The following PPP1R16B variants were observed in gnomAD, a reference collection of about 807,000 sequenced individuals.
PPP1R16B encodes protein phosphatase 1 regulatory inhibitor subunit 16B.
Under a neutral mutation model 61.7 loss-of-function variants are expected in PPP1R16B, and 14 were observed. The observed-to-expected ratio is 0.23, with a 90% CI of 0.15 to 0.35. The LOEUF (loss-of-function observed/expected upper bound fraction) is 0.35, where lower values mean the gene tolerates loss of function less well. PPP1R16B is among the 10% of genes least tolerant of loss of function. PPP1R16B has a pLI of 1.00. For missense variants in PPP1R16B, 547 were observed against 752.5 expected, an observed-to-expected ratio of 0.73 and a Z score of 3.19; for synonymous variants, 266 against 305.3, an observed-to-expected ratio of 0.87 and a Z score of 1.34.
intron 6 of PPP1R16B, among the ~76,000 whole-genome samples, chr20:38,904,835 C>T (rs1394521909): frequency 2.6e-5 from 4 of 152,158 alleles, no homozygotes; most frequent in East Asian, 3.9e-4. Context: ...TTCTGCTAGC[C>T]GCCTTGGACT....
intron 7 of PPP1R16B, among the ~76,000 whole-genome samples, chr20:38,906,487 G>T (rs1035206640): frequency 1.3e-5 from 2 of 151,880 alleles, no homozygotes; most frequent in African/African-American, 4.8e-5. Flanking sequence ...TAGAGACAGG[G>T]TTTCACCATG....
intron 2 of PPP1R16B, among the ~76,000 whole-genome samples, chr20:38,881,974 T>G (rs1429790721): frequency 4.6e-5 from 7 of 152,208 alleles, no homozygotes; most frequent in African/African-American, 1.7e-4. Context: ...CAGGTGTCTT[T>G]GGGCAAATCA....
At chr20:38,870,246 A>C (rs2085120006) in intron 2 of PPP1R16B, among the ~76,000 whole-genome samples, 1 of 152,190 alleles carries the variant, frequency 6.6e-6, no homozygotes, top group Non-Finnish European at 1.5e-5. Context: ...CCTGCAGAGC[A>C]AAAATTTATT....
Position 38,837,684 on chromosome 20 carries a change from T to G in PPP1R16B, c.250+1509T>G, listed in dbSNP as rs139011331. Among the ~76,000 whole-genome samples the G allele has an allele frequency of 2.8e-3, 432 of 152,180 alleles. 2 individuals are homozygous for G. The highest frequency in any genetic ancestry group is 9.8e-3 in the African/African-American group (407 of 41,522). ...CCTTAGCCTCCCGAGTAGCTGGGAT[T>G]ACAGGCGTTCACCTCCATGCCCTGG... On this transcript the variant is annotated intron_variant, in intron 2 of 10. Coordinates refer to ENST00000299824, the MANE Select transcript of PPP1R16B (RefSeq NM_015568.4).
intron 2 of PPP1R16B, among the ~76,000 whole-genome samples, chr20:38,863,495 A>G (rs999024938): frequency 6.6e-6 from 1 of 152,206 alleles, no homozygotes; most frequent in Non-Finnish European, 1.5e-5. Context: ...AGCCCACACC[A>G]TCTGCCTCCT....
chr20:38,896,104 TCCCC>T (rs2085343480), intron 4 of PPP1R16B, among the ~76,000 whole-genome samples: 5 of 93,506 alleles, frequency 5.3e-5, no homozygotes, highest in Non-Finnish European at 8.3e-5. Flanking sequence ...TTCTTCTGTC[TCCCC>T]TCCCTTCCTT....
At chr20:38,833,774 C>G (rs141034137) in intron 1 of PPP1R16B, among the ~76,000 whole-genome samples, 62 of 152,356 alleles carry the variant, frequency 4.1e-4, no homozygotes, top group African/African-American at 1.2e-3. Context: ...CAAGCCAACC[C>G]CTTCCCCATT....
At chr20:38,823,949 A>G (rs922619605) in intron 1 of PPP1R16B, among the ~76,000 whole-genome samples, 3 of 150,994 alleles carry the variant, frequency 2.0e-5, no homozygotes, top group Non-Finnish European at 4.4e-5. Flanking sequence ...AGGAGAGGGG[A>G]TATTAAAAAT....
chr20:38,854,615 A>G (rs1321455948), intron 2 of PPP1R16B, among the ~76,000 whole-genome samples: 1 of 152,264 alleles, frequency 6.6e-6, no homozygotes, highest in Non-Finnish European at 1.5e-5. Context: ...ATATGGAGTC[A>G]GACAAAACTA....
chr20:38,880,519 A>T (rs1002636833), intron 2 of PPP1R16B, among the ~76,000 whole-genome samples: 4 of 152,134 alleles, frequency 2.6e-5, no homozygotes, highest in African/African-American at 9.7e-5. Flanking sequence ...TACAAAAAAA[A>T]TTAGCTGGGC....
intron 2 of PPP1R16B, among the ~76,000 whole-genome samples, chr20:38,870,887 C>T (rs113795429): frequency 4.0e-5 from 6 of 148,546 alleles, no homozygotes; most frequent in Admixed American, 1.4e-4. Flanking sequence ...GCAGCTGTGA[C>T]GGAGACTTAT....
At chr20:38,808,089 G>A (rs2084673967) in intron 1 of PPP1R16B, among the ~76,000 whole-genome samples, 1 of 152,206 alleles carries the variant, frequency 6.6e-6, no homozygotes, top group Admixed American at 6.5e-5. Context: ...CTTAAAGCCA[G>A]AACCTTTCTC....
intron 2 of PPP1R16B, among the ~76,000 whole-genome samples, chr20:38,856,391 C>T (rs1424880921): frequency 6.6e-6 from 1 of 152,162 alleles, no homozygotes; most frequent in Non-Finnish European, 1.5e-5. Context: ...GAAGTAAACT[C>T]AGCCTAAGTC....
chr20:38,814,426 C>T (rs528779705), intron 1 of PPP1R16B, among the ~76,000 whole-genome samples: 8 of 152,116 alleles, frequency 5.3e-5, no homozygotes, highest in Non-Finnish European at 7.3e-5. Flanking sequence ...CTACTGCAAC[C>T]TTGAGTAAGT....
At chr20:38,816,861 A>C (rs761146772) in intron 1 of PPP1R16B, among the ~76,000 whole-genome samples, 7 of 152,200 alleles carry the variant, frequency 4.6e-5, no homozygotes, top group Non-Finnish European at 1.0e-4. Context: ...CAGGCGAGGT[A>C]TGTCCTGGTT....
At chr20:38,877,469 C>T (rs6028175) in intron 2 of PPP1R16B, among the ~76,000 whole-genome samples, 2,203 of 152,054 alleles carry the variant, frequency 0.014, 20 homozygotes, top group Middle Eastern at 0.027. Context: ...CCACCACGCC[C>T]GGCTAATTTT....
intron 2 of PPP1R16B, among the ~76,000 whole-genome samples, chr20:38,884,105 C>T (rs2145755129): frequency 6.6e-6 from 1 of 152,332 alleles, no homozygotes; most frequent in African/African-American, 2.4e-5. Context: ...CGTCTTTGTG[C>T]TCCCTGAGCT....
At chr20:38,813,368 C>T (rs2043408691) in intron 1 of PPP1R16B, among the ~76,000 whole-genome samples, 2 of 152,236 alleles carry the variant, frequency 1.3e-5, no homozygotes, top group African/African-American at 4.8e-5. Context: ...TTAGCCCAGT[C>T]CACCTGTGTT....
chr20:38,829,883 C>T (rs916390076), intron 1 of PPP1R16B, among the ~76,000 whole-genome samples: 3 of 152,210 alleles, frequency 2.0e-5, no homozygotes, highest in African/African-American at 4.8e-5. Flanking sequence ...GAGCTGTCCT[C>T]GAGCCCCAGC....
Sources: allele counts gnomAD v4.1 joint callset (sites outside exome capture counted in the v4.1 genomes callset), GRCh38; gene constraint gnomAD v4.1.1; transcripts MANE v1.5; gene names NCBI Gene and HGNC (gene_info 2026-07-23, HGNC 2026-07-21).